Variants in C1QTNF12 observed in about 807,000 individuals in gnomAD.
C1QTNF12 encodes C1q and TNF related 12, also known as adipolin.
In C1QTNF12, 39 loss-of-function variants were observed where a neutral mutation model predicts 34.3. That is an observed-to-expected ratio of 1.14 (90% CI 0.88 to 1.49). The LOEUF is 1.49. C1QTNF12 is among the 40% of genes most tolerant of loss of function. The probability of loss-of-function intolerance (pLI) is 0.00; values close to 1 mark genes in which losing one functional copy is unlikely to be tolerated. For synonymous variants in C1QTNF12, 220 were observed against 196.9 expected (o/e 1.12, Z -0.98); for missense variants, 497 against 424.7 (o/e 1.17, Z -1.50).
chr1:1,242,911 C>G lies in C1QTNF12; in HGVS notation c.734G>C (p.Cys245Ser). ...CIESLCQRHTCLEAVSGLESN... is the reference protein window; with the variant it reads ...CIESLCQRHTSLEAVSGLESN... ...CTCCAGGCCTGAGACGGCCTCCAGG[C>G]ACCTGAACACAGCCCCACAGGGCAA... The change falls in exon 7 of 8, where the codon TGC (cysteine) becomes TCC (serine). Residue 245 changes from cysteine to serine, a missense_variant and splice_region_variant. Transcript: ENST00000330388. 6.2e-7 allele frequency: 1 copy of G among 1,612,164 alleles called. No homozygotes were observed. The highest frequency in any genetic ancestry group is 1.1e-5 in the South Asian group (1 of 90,996).
chr1:1,246,508 G>A lies in C1QTNF12; in HGVS notation c.177+6C>T, dbSNP rs936037831. On this transcript the variant is annotated splice_donor_region_variant and intron_variant, in intron 1 of 7. Coordinates refer to ENST00000330388, the MANE Select transcript of C1QTNF12 (RefSeq NM_001014980.3). The surrounding 1 kb of genome is among the most constrained non-coding windows in gnomAD (Gnocchi z 4.5). ...GCGAGGGCCCACGTGCGTCCCGGCC[G>A]CGTACCTTGGGGGCCTCGGGCAGCC... 30 of 1,232,360 alleles carry A rather than the reference G, an allele frequency of 2.4e-5. No individual in the cohort carries two copies. The highest frequency in any genetic ancestry group is 4.2e-5 in the Admixed American group (1 of 23,656). 76.3% of individuals were successfully genotyped at this position (1,232,360 alleles called of 1,614,324 possible).
At chr1:1,246,899 C>G (rs929514184), upstream of C1QTNF12, among the ~76,000 whole-genome samples, 15 of 152,092 alleles carry the variant, frequency 9.9e-5, no homozygotes, top group African/African-American at 3.6e-4. This position sits in a 1 kb window ranked among gnomAD's most constrained non-coding sequence, Gnocchi z 4.5. Flanking sequence ...GCTCCCAGCC[C>G]CCGTCCTCTC....
At chr1:1,243,187 G>A in intron 5 of C1QTNF12, 35 bp from the exon 6 acceptor site, 1 of 986,974 alleles carries the variant, frequency 1.0e-6, no homozygotes, top group Non-Finnish European at 1.5e-6. Context: ...TGGTGCATGG[G>A]GGGCGGGGTG....
In C1QTNF12 at chr1:1,244,075, A is replaced by G. The variant is rs905215107; in HGVS notation, c.410T>C (p.Leu137Pro). The change falls in exon 4 of 8, where the codon CTG becomes CCG. Residue 137 changes from leucine (L) to proline (P), a missense_variant. Leu to Pro is a moderately conservative substitution (Grantham distance 98, BLOSUM62 -3). Coordinates refer to ENST00000330388, the MANE Select transcript of C1QTNF12 (RefSeq NM_001014980.3). Reference protein sequence around the residue: ...EATERRFSGLLDPLLPQGAGL... With the variant: ...EATERRFSGLPDPLLPQGAGL... ...CGCCCCCTGGGGCAGCAGCGGGTCCAGAAGCCCTGAGAACCGGCGCTCCGT... is the reference window on the plus strand; with the variant it reads ...CGCCCCCTGGGGCAGCAGCGGGTCCGGAAGCCCTGAGAACCGGCGCTCCGT... 6 of 1,593,026 alleles carry G rather than the reference A, an allele frequency of 3.8e-6. No individual in the cohort carries two copies. The highest frequency in any genetic ancestry group is 5.1e-6 in the Non-Finnish European group (6 of 1,170,262).
chr1:1,243,568 G>A lies in C1QTNF12; in HGVS notation c.532-16C>T, dbSNP rs1354905113. The A allele has an allele frequency of 6.5e-7, 1 of 1,544,874 alleles. No homozygotes were observed. Among genetic ancestry groups the A allele is most frequent in the Admixed American group, 2.0e-5 (1 of 50,998 alleles). On this transcript the variant is annotated splice_polypyrimidine_tract_variant and intron_variant, in intron 4 of 7. Transcript: ENST00000330388. ...GGGCAGCAGGCTGTGAGGGGCAGTG[G>A]GTGAGCGGCCAGCGCAGGGCCTGGC...
In C1QTNF12 at chr1:1,243,111, C is replaced by G. The variant is rs537337797; in HGVS notation, c.682G>C (p.Asp228His). The change falls in exon 6 of 8, where the codon GAC (aspartate) becomes CAC (histidine). Residue 228 changes from aspartate to histidine, a missense_variant. Physicochemically the swap from Asp to His is moderately conservative, Grantham distance 81 (BLOSUM62 -1). Coordinates refer to ENST00000330388, the MANE Select transcript of C1QTNF12 (RefSeq NM_001014980.3). ...ATACAGATGAGAACACACACCACGT[C>G]CCGGGCCCGCAGCCGGGCCTTGCCC... Reference protein sequence around the residue: ...LQGKARLRARDVVCVLICIES... With the variant: ...LQGKARLRARHVVCVLICIES... 3 of 1,588,560 alleles carry G rather than the reference C, an allele frequency of 1.9e-6. No individual in the cohort carries two copies. The African/African-American group carries it at 4.0e-5, about 21-fold the overall frequency.
At position 1,244,191 on chromosome 1, in the gene C1QTNF12, C is replaced by CT; in HGVS notation, c.378dup (p.Glu127ArgfsTer91). On this transcript the variant is annotated frameshift_variant and splice_region_variant, in exon 3 of 8. Transcript: ENST00000330388. LOFTEE classifies it high-confidence loss of function. ...CTCTGGGCAGTGCAGGGCGGCTGAC[C>CT]TTTCAGCAGCTCCTGAAACTCGTGA... The CT allele has an allele frequency of 6.3e-7, 1 of 1,583,814 alleles. No individual in the cohort carries two copies. The highest frequency in any genetic ancestry group is 8.6e-7 in the Non-Finnish European group (1 of 1,165,468).
intron 4 of C1QTNF12, 59 bp downstream of exon 4, chr1:1,243,895 C>A: frequency 2.0e-6 from 3 of 1,520,422 alleles, no homozygotes; most frequent in Non-Finnish European, 2.7e-6. Context: ...TGTGTGTGGT[C>A]CCGTCTTGCC....
At chr1:1,242,674 C>A in intron 7 of C1QTNF12, 28 bp from the exon 8 acceptor site, 1 of 1,572,538 alleles carries the variant, frequency 6.4e-7, no homozygotes, top group Non-Finnish European at 8.6e-7. Flanking sequence ...ACGTCACAAC[C>A]GCAGCCACAG....
chr1:1,244,342 C>G (rs1638823214), intron 2 of C1QTNF12, 39 bp downstream of exon 2: 1 of 1,600,544 alleles, frequency 6.2e-7, no homozygotes, highest in Admixed American at 1.7e-5. Flanking sequence ...CACACCCTGT[C>G]CGGGGCTCAG....
chr1:1,244,389 T>C lies in C1QTNF12; in HGVS notation c.286A>G (p.Lys96Glu), dbSNP rs1638824763. 1.9e-6 allele frequency: 3 copies of C among 1,611,270 alleles called. No homozygotes were observed. Among genetic ancestry groups the C allele is most frequent in the Non-Finnish European group, 2.5e-6 (3 of 1,179,176 alleles). The change falls in exon 2 of 8, where the codon AAG (lysine) becomes GAG (glutamate). Residue 96 changes from lysine to glutamate, a missense_variant. By Grantham distance (56) the Lys-to-Glu change is moderately conservative. Transcript: ENST00000330388. ...ALRKRCGSRD[K>E]KPRDLFGPPG... is the part of the protein sequence containing the mutation. ...GCCCGGGCGGGGCTCACCGGCTTCT[T>C]GTCCCTGCTTCCGCACCGCTTCCTT...
chr1:1,242,525 C>A lies in C1QTNF12; in HGVS notation c.*23G>T. On this transcript the variant is annotated 3_prime_UTR_variant, in exon 8 of 8. Transcript: ENST00000330388. ...GGTCCCCGGGATCCGGCGGCAGCTC[C>A]TCGCCAGCCCCCCTGGGCGCCCTCA... The A allele has an allele frequency of 6.5e-7, 1 of 1,538,556 alleles. No homozygotes were observed. Among genetic ancestry groups the A allele is most frequent in the Non-Finnish European group, 8.8e-7 (1 of 1,138,072 alleles).
At chr1:1,246,840 C>A (rs977334582), upstream of C1QTNF12, 125 of 501,980 alleles carry the variant, frequency 2.5e-4, no homozygotes, top group Non-Finnish European at 3.5e-4. This position sits in a 1 kb window ranked among gnomAD's most constrained non-coding sequence, Gnocchi z 4.5. Context: ...CTGCCCGGAA[C>A]GGCGGCGCGA....
rs760113147 is a variant in C1QTNF12, at chr1:1,242,584, C to T, written c.873G>A (p.Ala291=). 2.6e-5 allele frequency: 41 copies of T among 1,588,300 alleles called. 1 individual carries two copies. The South Asian group carries it at 2.6e-4, about 10-fold the overall frequency. Reference sequence around the variant, plus strand: ...GGAGCAGCCCGGAGAAGCTGGAGCCCGCCTGGATGGTGAGGACGGCCCCGG... The same window carrying T: ...GGAGCAGCCCGGAGAAGCTGGAGCCTGCCTGGATGGTGAGGACGGCCCCGG... ...NGSGAVLTIQ[A]GSSFSGLLLG... is the part of the protein sequence containing the mutation. Residue 291 remains alanine, a synonymous_variant, in exon 8 of 8, where the codon GCG becomes GCA. Transcript: ENST00000330388.
chr1:1,243,271 G>C (rs1054001028), intron 5 of C1QTNF12, 119 bp from the exon 6 acceptor site: 2 of 1,011,736 alleles, frequency 2.0e-6, no homozygotes, highest in East Asian at 2.6e-5. Flanking sequence ...GCTGGGGAGG[G>C]GGCGCCTGAG....
At chr1:1,243,740 G>A (rs1052887148) in intron 4 of C1QTNF12, among the ~76,000 whole-genome samples, 188 bp from the exon 5 acceptor site, 2 of 152,094 alleles carry the variant, frequency 1.3e-5, no homozygotes, top group African/African-American at 2.4e-5. Flanking sequence ...CCTGCCTCCC[G>A]GCTACCGGGG....
chr1:1,243,927 C>T, intron 4 of C1QTNF12, 27 bp downstream of exon 4: 1 of 1,594,140 alleles, frequency 6.3e-7, no homozygotes, highest in Non-Finnish European at 8.5e-7. Flanking sequence ...ACCCAACACC[C>T]CGCTCTAAGC....
rs1638886133 is a variant in C1QTNF12 at position 1,246,138 on chromosome 1, C to T, written c.177+376G>A. ...CTGGACTCCCAAGGGGTCTGGTGAA[C>T]CATCCAGCAAGCAGCCGGAACCACC... is the stretch of plus-strand genomic sequence containing the variant. On this transcript the variant is annotated intron_variant, in intron 1 of 7. Transcript: ENST00000330388. The surrounding 1 kb of genome is among the most constrained non-coding windows in gnomAD (Gnocchi z 4.5). Among the ~76,000 whole-genome samples, 1 of 152,182 alleles carries T rather than the reference C, an allele frequency of 6.6e-6. No individual in the cohort carries two copies. The highest frequency in any genetic ancestry group is 1.5e-5 in the Non-Finnish European group (1 of 68,008).
rs1470615497 is a variant in C1QTNF12 at position 1,246,251 on chromosome 1, G to GC, written c.177+262dup. On this transcript the variant is annotated intron_variant, in intron 1 of 7. Coordinates refer to ENST00000330388, the MANE Select transcript of C1QTNF12 (RefSeq NM_001014980.3). This position sits in a 1 kb window ranked among gnomAD's most constrained non-coding sequence, Gnocchi z 4.5. Reference sequence around the variant, plus strand: ...CCCACGCTTCAAAGGGTTAACTGCGGCCCCCAACCGCGGGAAGCCCCCTTC... The same window carrying GC: ...CCCACGCTTCAAAGGGTTAACTGCGGCCCCCCAACCGCGGGAAGCCCCCTTC... Among the ~76,000 whole-genome samples, 1 of 151,602 alleles carries GC rather than the reference G, an allele frequency of 6.6e-6. No homozygotes were observed. The highest frequency in any genetic ancestry group is 1.5e-5 in the Non-Finnish European group (1 of 67,944).
Sources: allele counts gnomAD v4.1 joint callset (sites outside exome capture counted in the v4.1 genomes callset), GRCh38; gene constraint gnomAD v4.1.1; non-coding constraint Gnocchi (gnomAD v3.1); transcripts MANE v1.5; gene names NCBI Gene and HGNC (gene_info 2026-07-23, HGNC 2026-07-21).